Variants in MTDH observed in about 807,000 individuals in gnomAD.
MTDH encodes the protein protein LYRIC.
In MTDH, 34 loss-of-function variants were observed where a neutral mutation model predicts 72.7. The ratio of observed to expected loss-of-function variants is 0.47; its 90% confidence interval spans 0.36 to 0.62. MTDH has a LOEUF of 0.62. Ranked by LOEUF, MTDH falls within the 20% of genes least tolerant of loss-of-function variation. MTDH has a pLI of 0.00. For missense variants in MTDH, 677 were observed against 699.4 expected (o/e 0.97, Z 0.36); for synonymous variants, 266 against 268.9 (o/e 0.99, Z 0.10).
At chr8:97,663,748 C>CA (rs36101443) in intron 2 of MTDH, among the ~76,000 whole-genome samples, 15,259 of 85,528 alleles carry the variant, frequency 0.18, 2,023 homozygotes, top group African/African-American at 0.32. Context: ...GACTCTGTCT[C>CA]AAAAAAAAAA....
intron 6 of MTDH, among the ~76,000 whole-genome samples, chr8:97,697,150 A>ATATATATATTTTTTTTTTTTTTTT: frequency 4.4e-5 from 3 of 68,786 alleles, no homozygotes; most frequent in South Asian, 6.1e-4. Context: ...ATATATATAT[A>ATATATATATTTTTTTTTTTTTTTT]TTTTTTTTTT....
intron 11 of MTDH, among the ~76,000 whole-genome samples, chr8:97,723,941 C>T (rs1360153057): frequency 6.6e-6 from 1 of 151,942 alleles, no homozygotes; most frequent in African/African-American, 2.4e-5. Context: ...AACCCCGTCT[C>T]TACTAAAAAT....
chr8:97,702,926 G>C (rs539972278), intron 7 of MTDH, among the ~76,000 whole-genome samples: 1 of 152,322 alleles, frequency 6.6e-6, no homozygotes, highest in South Asian at 2.1e-4. Flanking sequence ...AAGAAAACCA[G>C]TATGGCTCTT....
chr8:97,645,663 C>T (rs1463756854), intron 1 of MTDH, among the ~76,000 whole-genome samples: 1 of 152,156 alleles, frequency 6.6e-6, no homozygotes, highest in East Asian at 1.9e-4. Flanking sequence ...GGAATTCAGG[C>T]ACCGATTTAC....
chr8:97,649,257 C>T (rs1406615595), intron 1 of MTDH, among the ~76,000 whole-genome samples: 2 of 152,200 alleles, frequency 1.3e-5, no homozygotes. Flanking sequence ...GTTCCAGTTT[C>T]ACTGCCACTG....
intron 7 of MTDH, among the ~76,000 whole-genome samples, chr8:97,701,649 A>G (rs2131036361): frequency 6.6e-6 from 1 of 152,314 alleles, no homozygotes; most frequent in East Asian, 1.9e-4. Flanking sequence ...AGAATTGAGG[A>G]TGATTATAAC....
intron 1 of MTDH, among the ~76,000 whole-genome samples, chr8:97,645,498 G>A (rs1476210160): frequency 6.6e-6 from 1 of 152,192 alleles, no homozygotes; most frequent in Non-Finnish European, 1.5e-5. Flanking sequence ...AAGGCAAGAG[G>A]GGGTCGGTTA....
chr8:97,723,924 A>G (rs1586291998), intron 11 of MTDH, among the ~76,000 whole-genome samples: 1 of 152,028 alleles, frequency 6.6e-6, no homozygotes, highest in Non-Finnish European at 1.5e-5. Context: ...CGTGGCCAAC[A>G]TGGCGAAACC....
chr8:97,665,336 G>A (rs1279120916), intron 2 of MTDH, among the ~76,000 whole-genome samples: 2 of 152,054 alleles, frequency 1.3e-5, no homozygotes, highest in Non-Finnish European at 2.9e-5. Flanking sequence ...TCCTTATTTG[G>A]GTTTGAAAGT....
intron 6 of MTDH, among the ~76,000 whole-genome samples, chr8:97,697,367 ATAT>A (rs1368316507): frequency 6.8e-6 from 1 of 147,030 alleles, no homozygotes; most frequent in Non-Finnish European, 1.5e-5. Flanking sequence ...TGGTTCCAAA[ATAT>A]TATTATTTCG....
In MTDH at chr8:97,649,555, T is replaced by C. The variant is rs148770965; in HGVS notation, c.381+4668T>C. On this transcript the variant is annotated intron_variant, in intron 1 of 11. Coordinates refer to ENST00000336273, the MANE Select transcript of MTDH (RefSeq NM_178812.4). ...CCATTACTCCTAAGACAAGAAATAA[T>C]TCTGCTTAGCTAGATTTCTGTGTCT... Among the ~76,000 whole-genome samples the C allele has an allele frequency of 6.6e-3, 1,006 of 152,348 alleles. 11 individuals carry two copies. The highest frequency in any genetic ancestry group is 0.023 in the African/African-American group (938 of 41,584).
At chr8:97,694,932 A>G (rs2131019402) in intron 6 of MTDH, among the ~76,000 whole-genome samples, 1 of 152,180 alleles carries the variant, frequency 6.6e-6, no homozygotes, top group African/African-American at 2.4e-5. Context: ...CAAAAAGAAA[A>G]AAAAAAAGAC....
rs749595802 is a variant in MTDH at position 97,644,724 on chromosome 8, C to T, written c.218C>T (p.Ala73Val). The T allele has an allele frequency of 5.7e-6, 9 of 1,583,036 alleles. No homozygotes were observed. Among genetic ancestry groups the T allele is most frequent in the Non-Finnish European group, 6.8e-6 (8 of 1,170,182 alleles). The change falls in exon 1 of 12, where the codon GCG becomes GTG. Residue 73 changes from alanine to valine, a missense_variant. Coordinates refer to ENST00000336273, the MANE Select transcript of MTDH (RefSeq NM_178812.4). ...TTTCTGCTGGGCTACGGCTGGGCCG[C>T]GGCTTGCGCCGGCGCCCGCAAAAAG... Reference protein sequence around the residue: ...LLFLLGYGWAAACAGARKKRR... With the variant: ...LLFLLGYGWAVACAGARKKRR...
chr8:97,647,052 A>C (rs186963898), intron 1 of MTDH, among the ~76,000 whole-genome samples: 1 of 152,294 alleles, frequency 6.6e-6, no homozygotes, highest in East Asian at 1.9e-4. Context: ...GTAGCTTTAC[A>C]GGGCAAAGAA....
At position 97,725,319 on chromosome 8, in the gene MTDH, CA is replaced by C. The variant is rs1457024336; in HGVS notation, c.*650del. ...TATGAAGTTATTTTTGATAGTCTTA[CA>C]TTACTTGAATTGTTCAAAGTACAGT... On this transcript the variant is annotated 3_prime_UTR_variant, in exon 12 of 12. Transcript: ENST00000336273. The C allele has an allele frequency of 6.6e-6, 1 of 152,542 alleles. No individual in the cohort carries two copies. Among genetic ancestry groups the C allele is most frequent in the East Asian group, 1.9e-4 (1 of 5,192 alleles). The allele number at this position is 152,542 out of a possible 1,614,324, so 9.4% of individuals were successfully genotyped here.
At chr8:97,701,105 G>A (rs1376657777) in intron 7 of MTDH, among the ~76,000 whole-genome samples, 1 of 152,124 alleles carries the variant, frequency 6.6e-6, no homozygotes, top group Non-Finnish European at 1.5e-5. Context: ...ACTTGTCTGG[G>A]AGCTGTAAAA....
intron 1 of MTDH, among the ~76,000 whole-genome samples, chr8:97,654,202 G>GT (rs1459749175): frequency 6.6e-6 from 1 of 152,190 alleles, no homozygotes; most frequent in Non-Finnish European, 1.5e-5. Flanking sequence ...GGTTATATTT[G>GT]TAAGATTGTT....
At chr8:97,682,266 A>G (rs1408094053) in intron 2 of MTDH, among the ~76,000 whole-genome samples, 16 of 5,686 alleles carry the variant, frequency 2.8e-3, no homozygotes, top group African/African-American at 0.013. Flanking sequence ...ATATATATAT[A>G]TATATATATA....
At chr8:97,723,614 G>A (rs2131092795) in intron 11 of MTDH, among the ~76,000 whole-genome samples, 1 of 149,034 alleles carries the variant, frequency 6.7e-6, no homozygotes, top group East Asian at 2.0e-4. Flanking sequence ...GTGGTGGCAG[G>A]CACCTGTAGT....
Sources: allele counts gnomAD v4.1 joint callset (sites outside exome capture counted in the v4.1 genomes callset), GRCh38; gene constraint gnomAD v4.1.1; transcripts MANE v1.5; gene names NCBI Gene and HGNC (gene_info 2026-07-23, HGNC 2026-07-21).